XPO1: variants seen among roughly 807,000 people sequenced by gnomAD.
The protein encoded by XPO1 is exportin 1.
XPO1 carries 5 observed loss-of-function variants against 133.3 expected under a neutral mutation model. That is an observed-to-expected ratio of 0.04 (90% CI 0.02 to 0.08). XPO1 has a LOEUF of 0.08. XPO1 is among the 10% of genes least tolerant of loss of function. The probability of loss-of-function intolerance (pLI) is 1.00; values close to 1 mark genes in which losing one functional copy is unlikely to be tolerated. For missense variants in XPO1, 506 were observed against 1,267.5 expected, an observed-to-expected ratio of 0.40 and a Z score of 9.12; for synonymous variants, 419 against 408.2, an observed-to-expected ratio of 1.03 and a Z score of -0.32.
chr2:61,488,581 C>A lies in XPO1; in HGVS notation c.2206+7G>T, dbSNP rs1401375850. The A allele has an allele frequency of 3.1e-6, 5 of 1,610,948 alleles. No individual in the cohort carries two copies. The highest frequency in any genetic ancestry group is 1.1e-5 in the South Asian group (1 of 90,854). On this transcript the variant is annotated splice_region_variant and intron_variant, in intron 18 of 24. Coordinates refer to ENST00000401558, the MANE Select transcript of XPO1 (RefSeq NM_003400.4). ...ACTGCATTGTGTAAGAAATCAGAAT[C>A]ACCTACCATTAGCTTGGATAGCTGC...
chr2:61,536,688 G>A (rs1210949938), intron 1 of XPO1: 2 of 152,108 alleles, frequency 1.3e-5, no homozygotes, highest in Non-Finnish European at 2.9e-5. Context: ...TCTAACTATA[G>A]CACACAGGAG....
intron 4 of XPO1, among the ~76,000 whole-genome samples, chr2:61,506,513 C>T (rs560484491): frequency 6.8e-4 from 102 of 150,760 alleles, no homozygotes; most frequent in African/African-American, 2.0e-3. Context: ...GCAGGAGAAA[C>T]GCTTGAACCC....
chr2:61,511,668 G>T (rs1381632103), intron 4 of XPO1, among the ~76,000 whole-genome samples: 5 of 152,086 alleles, frequency 3.3e-5, no homozygotes, highest in Non-Finnish European at 5.9e-5. Flanking sequence ...CAAACTGCTG[G>T]GATTGCAGGC....
At chr2:61,502,564 C>A (rs1018406055) in intron 4 of XPO1, 16 of 323,778 alleles carry the variant, frequency 4.9e-5, no homozygotes, top group Admixed American at 3.7e-4. Context: ...ACCAGCATGA[C>A]CAACATGGTG....
At chr2:61,511,244 C>A (rs1698083146) in intron 4 of XPO1, among the ~76,000 whole-genome samples, 1 of 152,152 alleles carries the variant, frequency 6.6e-6, no homozygotes, top group Non-Finnish European at 1.5e-5. Context: ...CGGCCTCAGC[C>A]TTCAGAGTAG....
At chr2:61,488,068 T>A in intron 19 of XPO1, 97 bp downstream of exon 19, 2 of 1,007,030 alleles carry the variant, frequency 2.0e-6, no homozygotes, top group Non-Finnish European at 1.5e-6. Context: ...AAAGTTGATA[T>A]GCTTTAAATT....
chr2:61,528,365 T>C (rs1698998844), intron 2 of XPO1, among the ~76,000 whole-genome samples: 1 of 152,108 alleles, frequency 6.6e-6, no homozygotes, highest in African/African-American at 2.4e-5. Context: ...CTGGGCACGG[T>C]GGCTTACGCC....
At chr2:61,513,383 T>TGA (rs1491298378) in intron 4 of XPO1, among the ~76,000 whole-genome samples, 8 of 89,796 alleles carry the variant, frequency 8.9e-5, no homozygotes, top group African/African-American at 2.2e-4. Flanking sequence ...TTTTTTTTTT[T>TGA]GAGAGAGAGT....
chr2:61,503,429 A>ATT (rs879493202), intron 4 of XPO1, among the ~76,000 whole-genome samples: 3 of 131,264 alleles, frequency 2.3e-5, no homozygotes, highest in African/African-American at 8.5e-5. Flanking sequence ...TCCAGCTACT[A>ATT]TTTTTTTTTT....
intron 6 of XPO1, among the ~76,000 whole-genome samples, chr2:61,500,107 C>T (rs1377193576): frequency 6.6e-6 from 1 of 152,206 alleles, no homozygotes; most frequent in African/African-American, 2.4e-5. Context: ...CCGCAGGACC[C>T]TTTTCAATTA....
At chr2:61,483,112 A>G (rs755802454) in intron 21 of XPO1, 21 bp from the exon 22 acceptor site, 4 of 1,600,332 alleles carry the variant, frequency 2.5e-6, no homozygotes, top group African/African-American at 1.3e-5. Flanking sequence ...TAGAATACCA[A>G]TGGAAAGTTA....
intron 4 of XPO1, among the ~76,000 whole-genome samples, chr2:61,503,967 G>T (rs1302333959): frequency 6.6e-6 from 1 of 152,080 alleles, no homozygotes; most frequent in Non-Finnish European, 1.5e-5. Context: ...ATCGCTTGAG[G>T]CCTAGAGGCG....
chr2:61,488,329 C>A, intron 18 of XPO1, 58 bp from the exon 19 acceptor site: 1 of 1,468,806 alleles, frequency 6.8e-7, no homozygotes, highest in South Asian at 1.2e-5. Context: ...CAGTGGTACT[C>A]AGGTGTACAT....
intron 2 of XPO1, among the ~76,000 whole-genome samples, chr2:61,527,920 CTTTTTTCT>C (rs1698976963): frequency 6.6e-6 from 1 of 151,240 alleles, no homozygotes; most frequent in African/African-American, 2.4e-5. Context: ...TCCTTTATTC[CTTTTTTCT>C]CTCTTTTTTT....
At chr2:61,530,737 A>G (rs1190416028) in intron 2 of XPO1, among the ~76,000 whole-genome samples, 1 of 151,908 alleles carries the variant, frequency 6.6e-6, no homozygotes, top group Non-Finnish European at 1.5e-5. Flanking sequence ...TTAAAAAAAA[A>G]AAAACCTACC....
At chr2:61,515,331 C>G (rs550462906) in intron 4 of XPO1, among the ~76,000 whole-genome samples, 151 of 152,296 alleles carry the variant, frequency 9.9e-4, no homozygotes, top group Admixed American at 8.8e-3. Flanking sequence ...ATCTTCAATA[C>G]TACAGGAGAT....
At chr2:61,510,883 A>G (rs2104615697) in intron 4 of XPO1, among the ~76,000 whole-genome samples, 1 of 151,322 alleles carries the variant, frequency 6.6e-6, no homozygotes, top group East Asian at 2.0e-4. Flanking sequence ...GCTAGAGTTA[A>G]GCCATGATCC....
chr2:61,531,405 A>C (rs1699149598), intron 2 of XPO1, among the ~76,000 whole-genome samples: 1 of 152,224 alleles, frequency 6.6e-6, no homozygotes, highest in Non-Finnish European at 1.5e-5. Context: ...TTTATTAACA[A>C]GTCAATTTTA....
At chr2:61,527,815 GTCA>G (rs1024220003) in intron 2 of XPO1, among the ~76,000 whole-genome samples, 1 of 151,890 alleles carries the variant, frequency 6.6e-6, no homozygotes, top group Non-Finnish European at 1.5e-5. Context: ...AATCTACGTA[GTCA>G]TCATCTTGTG....
Sources: gnomAD v4.1 joint callset for allele counts (sites outside exome capture counted in the v4.1 genomes callset) on GRCh38, gnomAD v4.1.1 for gene constraint, MANE v1.5 for transcripts, NCBI Gene and HGNC (gene_info 2026-07-23, HGNC 2026-07-21) for gene names.